The following AUH variants were observed in gnomAD, a reference collection of about 807,000 sequenced individuals.
AUH encodes AU RNA binding methylglutaconyl-CoA hydratase.
In AUH, 29 loss-of-function variants were observed where a neutral mutation model predicts 42.3. The observed-to-expected ratio is 0.69, with a 90% confidence interval of 0.51 to 0.93. The LOEUF (loss-of-function observed/expected upper bound fraction) is 0.93. AUH is among the 40% of genes least tolerant of loss of function. AUH has a pLI of 0.00. For missense variants in AUH, 452 were observed against 438.1 expected, an observed-to-expected ratio of 1.03 and a Z score of -0.28; for synonymous variants, 174 against 166.4, an observed-to-expected ratio of 1.05 and a Z score of -0.35.
intron 6 of AUH, among the ~76,000 whole-genome samples, chr9:91,235,741 A>G (rs926610212): frequency 2.0e-5 from 3 of 152,208 alleles, no homozygotes; most frequent in African/African-American, 7.2e-5. Flanking sequence ...CCTTCCTTCA[A>G]TAAAGCTATG....
intron 6 of AUH, among the ~76,000 whole-genome samples, chr9:91,293,956 G>A (rs899763403): frequency 5.9e-5 from 9 of 152,158 alleles, no homozygotes; most frequent in Non-Finnish European, 1.0e-4. Flanking sequence ...CAAACTTCTA[G>A]AGCCCTTAAG....
intron 3 of AUH, among the ~76,000 whole-genome samples, chr9:91,329,113 T>TA (rs911218079): frequency 2.6e-5 from 4 of 152,180 alleles, no homozygotes; most frequent in Non-Finnish European, 1.5e-5. Context: ...TATGAACATA[T>TA]AAACGTTTTG....
chr9:91,342,370 T>C (rs916301221), intron 3 of AUH, among the ~76,000 whole-genome samples: 3 of 152,190 alleles, frequency 2.0e-5, no homozygotes, highest in Non-Finnish European at 4.4e-5. Context: ...CTCCCCATCG[T>C]AAGATCTTCA....
chr9:91,279,484 T>G (rs777117549), intron 6 of AUH, among the ~76,000 whole-genome samples: 1 of 152,172 alleles, frequency 6.6e-6, no homozygotes, highest in Non-Finnish European at 1.5e-5. Context: ...GTACAGGAAG[T>G]GCTGTATCAG....
At chr9:91,242,783 T>C (rs1828592171) in intron 6 of AUH, among the ~76,000 whole-genome samples, 1 of 152,180 alleles carries the variant, frequency 6.6e-6, no homozygotes, top group South Asian at 2.1e-4. Context: ...ACACAAAACA[T>C]CTGGCTAAGT....
chr9:91,326,087 A>G (rs1829951023), intron 3 of AUH, among the ~76,000 whole-genome samples: 1 of 152,242 alleles, frequency 6.6e-6, no homozygotes. Flanking sequence ...CTGAGAACAA[A>G]GAAGATCTTT....
At chr9:91,317,084 C>T (rs977180260) in intron 4 of AUH, among the ~76,000 whole-genome samples, 25 of 152,298 alleles carry the variant, frequency 1.6e-4, no homozygotes, top group African/African-American at 5.3e-4. Flanking sequence ...TATATTTCAA[C>T]CCAATGGTAT....
intron 4 of AUH, among the ~76,000 whole-genome samples, chr9:91,301,148 G>T (rs574258082): frequency 7.9e-5 from 12 of 152,196 alleles, no homozygotes; most frequent in African/African-American, 2.6e-4. Flanking sequence ...CTAAAGAAAA[G>T]AAAAATTGCC....
chr9:91,229,532 T>C (rs1159476959), intron 6 of AUH, among the ~76,000 whole-genome samples: 3 of 150,590 alleles, frequency 2.0e-5, no homozygotes, highest in Admixed American at 6.6e-5. Context: ...TGTCTTTTAA[T>C]TGGAGCATTT....
At chr9:91,328,593 G>A (rs1830117523) in intron 3 of AUH, among the ~76,000 whole-genome samples, 1 of 152,116 alleles carries the variant, frequency 6.6e-6, no homozygotes, top group Non-Finnish European at 1.5e-5. Context: ...TGGCAGTGAA[G>A]ACTACAGGCT....
chr9:91,284,408 G>A (rs1197660985), intron 6 of AUH, among the ~76,000 whole-genome samples: 1 of 152,114 alleles, frequency 6.6e-6, no homozygotes, highest in African/African-American at 2.4e-5. Context: ...CATGGGAAAG[G>A]ATGTCATGTC....
intron 6 of AUH, among the ~76,000 whole-genome samples, chr9:91,279,820 C>G (rs2131557262): frequency 6.6e-6 from 1 of 152,310 alleles, no homozygotes; most frequent in Middle Eastern, 3.4e-3. Context: ...AAAGCACATG[C>G]CATGAGCTAC....
At chr9:91,275,486 C>T (rs1032029733) in intron 6 of AUH, among the ~76,000 whole-genome samples, 3 of 152,096 alleles carry the variant, frequency 2.0e-5, no homozygotes, top group African/African-American at 7.2e-5. Context: ...GGGAATAGAA[C>T]GGGAACTTCC....
intron 6 of AUH, among the ~76,000 whole-genome samples, chr9:91,233,523 G>C (rs940179287): frequency 5.9e-5 from 9 of 152,148 alleles, no homozygotes; most frequent in Non-Finnish European, 1.0e-4. Flanking sequence ...ATGAAGATTT[G>C]AGCTTGTCAA....
intron 3 of AUH, among the ~76,000 whole-genome samples, chr9:91,337,007 C>T (rs1013153599): frequency 1.3e-5 from 2 of 152,204 alleles, no homozygotes; most frequent in African/African-American, 4.8e-5. Context: ...TTTGTATACA[C>T]AAGGGCCTTC....
At chr9:91,275,167 A>G (rs1231133978) in intron 6 of AUH, among the ~76,000 whole-genome samples, 4 of 152,204 alleles carry the variant, frequency 2.6e-5, no homozygotes, top group African/African-American at 9.6e-5. Context: ...AATATGCATG[A>G]CCACTCTTGC....
chr9:91,221,124 AC>A (rs1178361216), intron 6 of AUH, 132 bp from the exon 7 acceptor site: 10 of 981,046 alleles, frequency 1.0e-5, no homozygotes, highest in Non-Finnish European at 1.4e-5. Flanking sequence ...TAGCTGGAAA[AC>A]TACTTCAGAA....
At chr9:91,274,278 T>C (rs1054896035) in intron 6 of AUH, among the ~76,000 whole-genome samples, 3 of 152,230 alleles carry the variant, frequency 2.0e-5, no homozygotes, top group African/African-American at 7.2e-5. Context: ...TATCATGTAA[T>C]GAGCAATGGG....
intron 4 of AUH, among the ~76,000 whole-genome samples, chr9:91,303,166 G>A (rs1394315266): frequency 6.6e-6 from 1 of 152,120 alleles, no homozygotes; most frequent in African/African-American, 2.4e-5. Context: ...TAGTCTGTAG[G>A]ACCTGCAGCC....
Sources: gnomAD v4.1 joint callset for allele counts (sites outside exome capture counted in the v4.1 genomes callset) on GRCh38, gnomAD v4.1.1 for gene constraint, MANE v1.5 for transcripts, NCBI Gene and HGNC (gene_info 2026-07-23, HGNC 2026-07-21) for gene names.